The following ZNRF1 variants were observed in gnomAD, a reference collection of about 807,000 sequenced individuals.
The protein encoded by ZNRF1 is E3 ubiquitin-protein ligase ZNRF1.
Under a neutral mutation model 18.4 loss-of-function variants are expected in ZNRF1, and 3 were observed. That is an observed-to-expected ratio of 0.16 (90% CI 0.07 to 0.42). ZNRF1 has a LOEUF of 0.42. Ranked by LOEUF, ZNRF1 falls within the 10% of genes least tolerant of loss-of-function variation. ZNRF1 has a pLI of 0.99. For synonymous variants in ZNRF1, 157 were observed against 144.2 expected, an observed-to-expected ratio of 1.09 and a Z score of -0.64; for missense variants, 310 against 329.8, an observed-to-expected ratio of 0.94 and a Z score of 0.47.
intron 1 of ZNRF1, among the ~76,000 whole-genome samples, chr16:75,017,882 C>G (rs1158091006): frequency 3.3e-5 from 5 of 152,144 alleles, no homozygotes; most frequent in South Asian, 4.1e-4. Context: ...GGGACACCCT[C>G]TCTTGGGAGA....
chr16:75,031,428 A>G (rs1357338540), intron 1 of ZNRF1, among the ~76,000 whole-genome samples: 1 of 152,084 alleles, frequency 6.6e-6, no homozygotes, highest in Non-Finnish European at 1.5e-5. Flanking sequence ...GTGCCCGGCC[A>G]TGTCCAAATT....
chr16:75,060,795 T>C (rs2035733769), intron 1 of ZNRF1, among the ~76,000 whole-genome samples: 1 of 152,124 alleles, frequency 6.6e-6, no homozygotes, highest in South Asian at 2.1e-4. Context: ...TGGATTTTAA[T>C]CTTGGCCGCA....
intron 1 of ZNRF1, among the ~76,000 whole-genome samples, chr16:75,024,478 G>A (rs1016458120): frequency 6.6e-6 from 1 of 152,206 alleles, no homozygotes; most frequent in Non-Finnish European, 1.5e-5. Flanking sequence ...AAAGATAAAG[G>A]TAGTTTGTGT....
intron 1 of ZNRF1, among the ~76,000 whole-genome samples, chr16:75,040,054 T>C (rs867992173): frequency 0.024 from 3,149 of 132,180 alleles, 73 homozygotes; most frequent in Middle Eastern, 0.037. Flanking sequence ...TTTTTTTTTT[T>C]TTTTTTTTTT....
In ZNRF1 at chr16:75,106,581, C is replaced by T. The variant is rs776794702; in HGVS notation, c.*32+10C>T. On this transcript the variant is annotated intron_variant, in intron 4 of 4. Coordinates refer to ENST00000335325, the MANE Select transcript of ZNRF1 (RefSeq NM_032268.5). ...CTGACTCCTCTCAAAGGTGAGCCCG[C>T]GTTTGGGGGTGCTCCGGGCTCAAGG... 1.9e-6 allele frequency: 3 copies of T among 1,612,354 alleles called. No individual in the cohort carries two copies. Among genetic ancestry groups the T allele is most frequent in the Non-Finnish European group, 2.5e-6 (3 of 1,178,618 alleles).
intron 1 of ZNRF1, among the ~76,000 whole-genome samples, chr16:75,016,391 A>G (rs2035069626): frequency 6.6e-6 from 1 of 151,762 alleles, no homozygotes; most frequent in African/African-American, 2.4e-5. Flanking sequence ...GGCACACGCC[A>G]CCACACCCTA....
At chr16:75,104,956 C>G (rs1054201075) in intron 3 of ZNRF1, 67 bp downstream of exon 3, 16 of 1,317,410 alleles carry the variant, frequency 1.2e-5, no homozygotes, top group Non-Finnish European at 1.7e-5. Flanking sequence ...CCATCTCCAG[C>G]CATTCTGTCT....
intron 1 of ZNRF1, among the ~76,000 whole-genome samples, chr16:75,089,250 G>GC (rs762328550): frequency 2.4e-4 from 37 of 151,934 alleles, no homozygotes; most frequent in Admixed American, 3.3e-4. Flanking sequence ...TTAGAGGCAT[G>GC]CACCACCATG....
intron 4 of ZNRF1, chr16:75,107,339 C>T (rs2036329382): frequency 5.1e-6 from 1 of 196,060 alleles, no homozygotes; most frequent in East Asian, 1.7e-4. Context: ...AAAAGCCCAA[C>T]TCCATCTCAC....
rs1349425283 is a variant in ZNRF1, at chr16:74,999,113, G to A, written c.-559G>A. 1 of 148,098 alleles carries A rather than the reference G, an allele frequency of 6.8e-6. No individual in the cohort carries two copies. Among genetic ancestry groups the A allele is most frequent in the East Asian group, 2.0e-4 (1 of 5,124 alleles). The allele number at this position is 148,098 out of a possible 1,614,324, so 9.2% of individuals were successfully genotyped here. On this transcript the variant is annotated 5_prime_UTR_variant, in exon 1 of 5. Coordinates refer to ENST00000335325, the MANE Select transcript of ZNRF1 (RefSeq NM_032268.5). ...TGGCGGGGCCGGCGGCGGCTGAAGC[G>A]AGAGCGCGACGCGACGCGACCGCGG...
At chr16:75,082,215 G>A (rs2036020676) in intron 1 of ZNRF1, among the ~76,000 whole-genome samples, 1 of 152,070 alleles carries the variant, frequency 6.6e-6, no homozygotes, top group Admixed American at 6.5e-5. Flanking sequence ...TCGGACTCAG[G>A]TCATTGGACC....
intron 2 of ZNRF1, among the ~76,000 whole-genome samples, chr16:75,100,663 C>T (rs1420422126): frequency 6.6e-6 from 1 of 152,186 alleles, no homozygotes; most frequent in African/African-American, 2.4e-5. Context: ...GGAGAAAATG[C>T]AAAGATAAAC....
intron 1 of ZNRF1, among the ~76,000 whole-genome samples, chr16:75,015,532 A>G (rs1426564480): frequency 6.6e-6 from 1 of 152,136 alleles, no homozygotes; most frequent in Non-Finnish European, 1.5e-5. Context: ...CCGAGATTGC[A>G]CCATTGCACT....
intron 1 of ZNRF1, among the ~76,000 whole-genome samples, chr16:75,022,179 C>T (rs2035159387): frequency 6.6e-6 from 1 of 152,050 alleles, no homozygotes; most frequent in African/African-American, 2.4e-5. Flanking sequence ...CACTTGGACC[C>T]AGGAGGCGGA....
chr16:75,023,460 G>T (rs1006077468), intron 1 of ZNRF1, among the ~76,000 whole-genome samples: 2 of 152,190 alleles, frequency 1.3e-5, no homozygotes, highest in Non-Finnish European at 2.9e-5. Flanking sequence ...AAGGTGGATG[G>T]ATCACCTGAC....
intron 1 of ZNRF1, among the ~76,000 whole-genome samples, chr16:75,076,758 C>T (rs1285181250): frequency 6.6e-6 from 1 of 151,360 alleles, no homozygotes; most frequent in East Asian, 2.0e-4. Flanking sequence ...TGAAGGAGGA[C>T]TTTTGGGAGA....
In ZNRF1 at chr16:75,056,954, T is replaced by C. The variant is rs571108561; in HGVS notation, c.425-36618T>C. On this transcript the variant is annotated intron_variant, in intron 1 of 4. Coordinates refer to ENST00000335325, the MANE Select transcript of ZNRF1 (RefSeq NM_032268.5). ...GCCTGGTCAGGAAAAGACTTTTTAA[T>C]GCCACTAGATTCCTCTCCTGATGCA... Among the ~76,000 whole-genome samples, 1,006 of 152,260 alleles carry C rather than the reference T, an allele frequency of 6.6e-3. 2 individuals are homozygous for C. Among genetic ancestry groups the C allele is most frequent in the Non-Finnish European group, 8.9e-3 (604 of 68,028 alleles).
intron 1 of ZNRF1, among the ~76,000 whole-genome samples, chr16:75,027,979 C>T (rs778859707): frequency 1.3e-5 from 2 of 152,184 alleles, no homozygotes; most frequent in African/African-American, 2.4e-5. Context: ...AACAATGGCA[C>T]TCGCCACCGT....
At chr16:75,103,513 G>C (rs1034321832) in intron 2 of ZNRF1, among the ~76,000 whole-genome samples, 1 of 151,704 alleles carries the variant, frequency 6.6e-6, no homozygotes, top group Admixed American at 6.6e-5. Context: ...GGCTGGGCGG[G>C]GGGAAGGGGA....
Sources: allele counts gnomAD v4.1 joint callset (sites outside exome capture counted in the v4.1 genomes callset), GRCh38; gene constraint gnomAD v4.1.1; transcripts MANE v1.5; gene names NCBI Gene and HGNC (gene_info 2026-07-23, HGNC 2026-07-21).